SYNPO2L: variants seen among roughly 807,000 people sequenced by gnomAD.
SYNPO2L encodes the protein synaptopodin 2-like protein.
Under a neutral mutation model 47.5 loss-of-function variants are expected in SYNPO2L, and 34 were observed. That is an observed-to-expected ratio of 0.72 (90% CI 0.54 to 0.95). The LOEUF (loss-of-function observed/expected upper bound fraction) is 0.95, where lower values mean the gene tolerates loss of function less well. Ranked by LOEUF, SYNPO2L falls within the 40% of genes least tolerant of loss-of-function variation. The probability of loss-of-function intolerance (pLI) is 0.00; values close to 1 mark genes in which losing one functional copy is unlikely to be tolerated. For synonymous variants in SYNPO2L, 536 were observed against 524.9 expected, an observed-to-expected ratio of 1.02 and a Z score of -0.29; for missense variants, 1,246 against 1,282.0, an observed-to-expected ratio of 0.97 and a Z score of 0.43.
Position 73,655,909 on chromosome 10 carries a change from T to C in SYNPO2L, c.14A>G (p.Glu5Gly). MGAE[E>G]EVLVTLSGGA... ...CCCTGATAGTGTGACCAGCACCTCC[T>C]CCTCAGCACCCATCGCTCAGCTTGG... Residue 5 changes from glutamate (E) to glycine (G), a missense_variant, in exon 1 of 4, where the codon GAG (glutamate) becomes GGG (glycine). Glu to Gly is a moderately conservative substitution (Grantham distance 98). Around this residue, in one of 3 missense-constraint regions of SYNPO2L, gnomAD observed 61 missense variants for 55.6 expected, o/e 1.10. Coordinates refer to ENST00000394810, the MANE Select transcript of SYNPO2L (RefSeq NM_001114133.3). The C allele has an allele frequency of 1.9e-6, 3 of 1,550,882 alleles. No individual in the cohort carries two copies. Among genetic ancestry groups the C allele is most frequent in the Non-Finnish European group, 2.6e-6 (3 of 1,146,722 alleles).
Position 73,646,814 on chromosome 10 carries a change from G to C in SYNPO2L, c.2838C>G (p.Pro946=), listed in dbSNP as rs1157395002. The change falls in exon 4 of 4, where the codon CCC becomes CCG. Residue 946 remains proline, a synonymous_variant. Transcript: ENST00000394810. ...TGGCTACCTGGAAACCGCAGGAGCT[G>C]GGAGAAGCCCCAAGGCCCCTGGGAG... ...PEAPRGLGAS[P]SSCGFQVARP... The C allele has an allele frequency of 1.9e-6, 3 of 1,543,016 alleles. No individual in the cohort carries two copies. In the African/African-American group the frequency reaches 4.1e-5, roughly 21 times the overall value.
Position 73,647,021 on chromosome 10 carries a change from C to T in SYNPO2L, c.2631G>A (p.Gly877=), listed in dbSNP as rs200778241. The change falls in exon 4 of 4, where the codon GGG becomes GGA. Residue 877 remains glycine, a synonymous_variant. Coordinates refer to ENST00000394810, the MANE Select transcript of SYNPO2L (RefSeq NM_001114133.3). ...VPPTPGPIAS[G]SPKTARVQEI... Reference sequence around the variant, plus strand: ...CCTGGACTCGGGCAGTTTTGGGGGACCCTGAGGCGATAGGGCCAGGAGTCG... The same window carrying T: ...CCTGGACTCGGGCAGTTTTGGGGGATCCTGAGGCGATAGGGCCAGGAGTCG... The T allele has an allele frequency of 3.7e-6, 6 of 1,613,744 alleles. No homozygotes were observed. In the East Asian group the frequency reaches 1.1e-4, roughly 30 times the overall value.
intron 3 of SYNPO2L, among the ~76,000 whole-genome samples, chr10:73,652,434 C>T (rs1001377793): frequency 2.0e-5 from 3 of 152,028 alleles, no homozygotes; most frequent in Admixed American, 1.3e-4. Flanking sequence ...TTTGGGAGGC[C>T]GAGGTAGGCA....
chr10:73,651,128 A>G (rs2081838316), intron 3 of SYNPO2L: 1 of 1,373,938 alleles, frequency 7.3e-7, no homozygotes, highest in East Asian at 2.7e-5. Context: ...CTATTTTTGG[A>G]GCCTGGCCCT....
chr10:73,655,788 TG>T, intron 1 of SYNPO2L, 29 bp downstream of exon 1: 1 of 1,367,714 alleles, frequency 7.3e-7, no homozygotes, highest in Non-Finnish European at 9.7e-7. Flanking sequence ...TCCCTTTCCC[TG>T]AAGCCTCATT....
At chr10:73,650,987 G>A (rs2081837203) in intron 3 of SYNPO2L, 1 of 1,613,712 alleles carries the variant, frequency 6.2e-7, no homozygotes, top group South Asian at 1.1e-5. Flanking sequence ...GCTCTTGGCT[G>A]ATGGGCTCAA....
At position 73,644,986 on chromosome 10, in the gene SYNPO2L, G is replaced by A. The variant is rs2081731445; in HGVS notation, c.*1732C>T. On this transcript the variant is annotated 3_prime_UTR_variant, in exon 4 of 4. Coordinates refer to ENST00000394810, the MANE Select transcript of SYNPO2L (RefSeq NM_001114133.3). Reference sequence around the variant, plus strand: ...CTTTCCAGATTACACAGCAAACGTAGCTGGTGGTGGTCTTGGTGAGAAGGG... The same window carrying A: ...CTTTCCAGATTACACAGCAAACGTAACTGGTGGTGGTCTTGGTGAGAAGGG... The A allele has an allele frequency of 1.6e-6, 2 of 1,241,462 alleles. No homozygotes were observed. The highest frequency in any genetic ancestry group is 3.4e-5 in the Admixed American group (1 of 29,242). The allele number at this position is 1,241,462 out of a possible 1,614,324, so 76.9% of individuals were successfully genotyped here. A position where few individuals can be genotyped will look rare whatever the true frequency, so the allele number is the denominator to read the frequency against.
chr10:73,645,448 C>T lies in SYNPO2L; in HGVS notation c.*1270G>A. The T allele has an allele frequency of 8.0e-6, 8 of 994,442 alleles. No homozygotes were observed. The highest frequency in any genetic ancestry group is 9.6e-6 in the Non-Finnish European group (8 of 836,536). The allele number at this position is 994,442 out of a possible 1,614,324, so 61.6% of individuals were successfully genotyped here. A position where few individuals can be genotyped will look rare whatever the true frequency, so the allele number is the denominator to read the frequency against. Reference sequence around the variant, plus strand: ...GCCTCACTTGCCACACTCTGGCTCTCTTCTCCTTTCTCTCAAGCTCATGAG... The same window carrying T: ...GCCTCACTTGCCACACTCTGGCTCTTTTCTCCTTTCTCTCAAGCTCATGAG... On this transcript the variant is annotated 3_prime_UTR_variant, in exon 4 of 4. Coordinates refer to ENST00000394810, the MANE Select transcript of SYNPO2L (RefSeq NM_001114133.3).
At chr10:73,649,301 A>G (rs2081817129) in intron 3 of SYNPO2L, among the ~76,000 whole-genome samples, 1 of 152,192 alleles carries the variant, frequency 6.6e-6, no homozygotes, top group African/African-American at 2.4e-5. Flanking sequence ...AAAGATGAGA[A>G]GGAACACTTT....
chr10:73,647,241 T>C lies in SYNPO2L; in HGVS notation c.2411A>G (p.Asn804Ser). 6.2e-7 allele frequency: 1 copy of C among 1,613,646 alleles called. No homozygotes were observed. The highest frequency in any genetic ancestry group is 8.5e-7 in the Non-Finnish European group (1 of 1,179,882). ...AGCAATAGGAGGCGGGGCACGGATGTTGGGTGAATATTTCCAGGAAGGGGG... is the reference window on the plus strand; with the variant it reads ...AGCAATAGGAGGCGGGGCACGGATGCTGGGTGAATATTTCCAGGAAGGGGG... ...SLPPSWKYSP[N>S]IRAPPPIAYN... The change falls in exon 4 of 4, where the codon AAC (asparagine) becomes AGC (serine). Residue 804 changes from asparagine (N) to serine (S), a missense_variant. Coordinates refer to ENST00000394810, the MANE Select transcript of SYNPO2L (RefSeq NM_001114133.3).
rs1466781774 is a variant in SYNPO2L at position 73,648,613 on chromosome 10, T to C, written c.1039A>G (p.Thr347Ala). The change falls in exon 4 of 4, where the codon ACC becomes GCC. Residue 347 changes from threonine to alanine, a missense_variant. By Grantham distance (58) the Thr-to-Ala change is moderately conservative. Transcript: ENST00000394810. ...EEAFSDARSL[T>A]NQSDWDSPYL... is the part of the protein sequence containing the mutation. The stretch of plus-strand genomic sequence containing the variant: ...GGACTGTCCCAGTCAGATTGATTGG[T>C]GAGGCTGCGGGCGTCAGAGAAGGCT... The C allele has an allele frequency of 5.0e-6, 8 of 1,614,070 alleles. No homozygotes were observed. The highest frequency in any genetic ancestry group is 6.8e-6 in the Non-Finnish European group (8 of 1,179,946).
chr10:73,652,018 T>A (rs1284063343), intron 3 of SYNPO2L, among the ~76,000 whole-genome samples: 1 of 121,178 alleles, frequency 8.3e-6, no homozygotes, highest in African/African-American at 3.3e-5. Flanking sequence ...GAGGGTGCAG[T>A]GAACCAAGAT....
chr10:73,653,935 G>C (rs2081860046), intron 2 of SYNPO2L, 194 bp downstream of exon 2: 1 of 788,624 alleles, frequency 1.3e-6, no homozygotes, highest in Non-Finnish European at 2.0e-6. Context: ...AATACCCACT[G>C]ACATCCCCAT....
In SYNPO2L at chr10:73,645,394, C is replaced by T. The variant is rs549365010; in HGVS notation, c.*1324G>A. On this transcript the variant is annotated 3_prime_UTR_variant, in exon 4 of 4. Coordinates refer to ENST00000394810, the MANE Select transcript of SYNPO2L (RefSeq NM_001114133.3). ...CTTCTGTCTGTGGCTCAATCACTTACACTCATTTCTGCCATGCTTCTGATT... is the reference window on the plus strand; with the variant it reads ...CTTCTGTCTGTGGCTCAATCACTTATACTCATTTCTGCCATGCTTCTGATT... 4.3e-5 allele frequency: 43 copies of T among 1,004,896 alleles called. No individual in the cohort carries two copies. The African/African-American group carries it at 6.6e-4, about 15-fold the overall frequency. The allele number at this position is 1,004,896 out of a possible 1,614,324, so 62.2% of individuals were successfully genotyped here.
rs756007816 is a variant in SYNPO2L at position 73,647,805 on chromosome 10, A to G, written c.1847T>C (p.Val616Ala). The G allele has an allele frequency of 3.1e-6, 5 of 1,607,824 alleles. No individual in the cohort carries two copies. Among genetic ancestry groups the G allele is most frequent in the Non-Finnish European group, 3.4e-6 (4 of 1,176,366 alleles). Residue 616 changes from valine (V) to alanine (A), a missense_variant, in exon 4 of 4, where the codon GTG becomes GCG. By Grantham distance (64) the Val-to-Ala change is moderately conservative (BLOSUM62 0). Transcript: ENST00000394810. ...CAGGATACCCGTGCGGGCAGCTGGCACAGAGATGCGCTGCTCGCGAGCGCT... is the reference window on the plus strand; with the variant it reads ...CAGGATACCCGTGCGGGCAGCTGGCGCAGAGATGCGCTGCTCGCGAGCGCT... Reference protein sequence around the residue: ...PPSAREQRISVPAARTGILQE... With the variant: ...PPSAREQRISAPAARTGILQE...
chr10:73,652,275 C>A (rs556495138), intron 3 of SYNPO2L, among the ~76,000 whole-genome samples: 65 of 152,138 alleles, frequency 4.3e-4, no homozygotes, highest in African/African-American at 1.4e-3. Context: ...GCCTCAGCCT[C>A]CCAAGTAGCT....
intron 2 of SYNPO2L, 107 bp from the exon 3 acceptor site, chr10:73,653,760 A>G: frequency 1.5e-6 from 2 of 1,378,402 alleles, no homozygotes; most frequent in Middle Eastern, 2.6e-4. Flanking sequence ...GAGGTAAGGG[A>G]GAGAGAAGGC....
Position 73,646,350 on chromosome 10 carries a change from C to T in SYNPO2L, c.*368G>A, listed in dbSNP as rs2081749062. The stretch of plus-strand genomic sequence containing the variant: ...GCTTCTTGCCTGAAGTCCCAGTGGT[C>T]ACTTCTGCTCTGTTTACTTCTCACT... On this transcript the variant is annotated 3_prime_UTR_variant, in exon 4 of 4. Coordinates refer to ENST00000394810, the MANE Select transcript of SYNPO2L (RefSeq NM_001114133.3). The T allele has an allele frequency of 2.0e-6, 2 of 1,005,068 alleles. No individual in the cohort carries two copies. The highest frequency in any genetic ancestry group is 2.1e-4 in the East Asian group (2 of 9,700). 62.3% of individuals were successfully genotyped at this position (1,005,068 alleles called of 1,614,324 possible). A position where few individuals can be genotyped will look rare whatever the true frequency, so the allele number is the denominator to read the frequency against.
Position 73,647,537 on chromosome 10 carries a change from G to A in SYNPO2L, c.2115C>T (p.Thr705=), listed in dbSNP as rs552756869. 2 of 1,596,276 alleles carry A rather than the reference G, an allele frequency of 1.3e-6. No individual in the cohort carries two copies. The highest frequency in any genetic ancestry group is 1.7e-6 in the Non-Finnish European group (2 of 1,168,662). ...YKTLPHVTPK[T]PPPMAPKTPP... ...GGGTCTTGGGAGCCATTGGAGGGGG[G>A]GTCTTAGGTGTCACGTGAGGCAGGG... is the stretch of plus-strand genomic sequence containing the variant. The change falls in exon 4 of 4, where the codon ACC becomes ACT. Residue 705 remains threonine, a synonymous_variant. Coordinates refer to ENST00000394810, the MANE Select transcript of SYNPO2L (RefSeq NM_001114133.3).
Sources: gnomAD v4.1 joint callset for allele counts (sites outside exome capture counted in the v4.1 genomes callset) on GRCh38, gnomAD v4.1.1 for gene constraint, gnomAD v4.1.1 regional missense constraint, MANE v1.5 for transcripts, NCBI Gene and HGNC (gene_info 2026-07-23, HGNC 2026-07-21) for gene names.